The following MKNK2 variants were observed in gnomAD, a reference collection of about 807,000 sequenced individuals.
The protein encoded by MKNK2 is MAP kinase-interacting serine/threonine-protein kinase 2.
MKNK2 carries 54 observed loss-of-function variants against 55.0 expected under a neutral mutation model. The observed-to-expected ratio is 0.98, with a 90% CI of 0.79 to 1.23. The LOEUF (loss-of-function observed/expected upper bound fraction) is 1.23. MKNK2 is among the 50% of genes most tolerant of loss of function. The probability of loss-of-function intolerance (pLI) is 0.00; values close to 1 mark genes in which losing one functional copy is unlikely to be tolerated. For synonymous variants in MKNK2, 323 were observed against 256.0 expected (o/e 1.26, Z -2.50); for missense variants, 685 against 632.1 (o/e 1.08, Z -0.90).
Position 2,039,460 on chromosome 19 carries a change from C to G in MKNK2, c.*153G>C, listed in dbSNP as rs2016825551. On this transcript the variant is annotated 3_prime_UTR_variant, in exon 14 of 14. Coordinates refer to ENST00000250896, the MANE Select transcript of MKNK2 (RefSeq NM_199054.3). Reference sequence around the variant, plus strand: ...GAAAAAAAAAACCCAAAAGCAAAAACCTTCTATAAAACACCCCCCTCAGCT... The same window carrying G: ...GAAAAAAAAAACCCAAAAGCAAAAAGCTTCTATAAAACACCCCCCTCAGCT... The G allele has an allele frequency of 7.2e-7, 1 of 1,398,192 alleles. No individual in the cohort carries two copies. The highest frequency in any genetic ancestry group is 1.5e-5 in the African/African-American group (1 of 68,928). The allele number at this position is 1,398,192 out of a possible 1,614,324, so 86.6% of individuals were successfully genotyped here.
At chr19:2,047,693 TC>T (rs1383346761) in intron 2 of MKNK2, among the ~76,000 whole-genome samples, 1 of 152,002 alleles carries the variant, frequency 6.6e-6, no homozygotes, top group African/African-American at 2.4e-5. Context: ...GGCCTCAGTT[TC>T]CCCCATCTAA....
intron 3 of MKNK2, 42 bp from the exon 4 acceptor site, chr19:2,046,510 TGGCC>T (rs1568239205): frequency 1.3e-6 from 2 of 1,575,574 alleles, no homozygotes; most frequent in South Asian, 1.1e-5. Flanking sequence ...GACATGGCCC[TGGCC>T]GGCCGGCCCC....
rs777556978 is a variant in MKNK2 at position 2,042,669 on chromosome 19, G to A, written c.599-7C>T. 2 of 1,560,146 alleles carry A rather than the reference G, an allele frequency of 1.3e-6. No individual in the cohort carries two copies. The highest frequency in any genetic ancestry group is 8.7e-7 in the Non-Finnish European group (1 of 1,151,298). ...AGGTCCCTGTGGGCGATGCCTGGGG[G>A]AGAAGCCACAGAACCACGACGGGGT... On this transcript the variant is annotated splice_polypyrimidine_tract_variant and splice_region_variant and intron_variant, in intron 8 of 13. Transcript: ENST00000250896.
Position 2,038,591 on chromosome 19 carries a change from G to C in MKNK2, c.*1022C>G, listed in dbSNP as rs969704115. 3.0e-5 allele frequency: 30 copies of C among 985,186 alleles called. No homozygotes were observed. The highest frequency in any genetic ancestry group is 3.0e-5 in the Non-Finnish European group (25 of 829,858). 61.0% of individuals were successfully genotyped at this position (985,186 alleles called of 1,614,324 possible). A position where few individuals can be genotyped will look rare whatever the true frequency, so the allele number is the denominator to read the frequency against. On this transcript the variant is annotated 3_prime_UTR_variant, in exon 14 of 14. Coordinates refer to ENST00000250896, the MANE Select transcript of MKNK2 (RefSeq NM_199054.3). ...AACACTGCCCTGGGGGTGAGGATTC[G>C]GCCAGACCCCGGGGTCTGGGCTCAG...
At chr19:2,042,181 C>T (rs2016901954) in intron 10 of MKNK2, 147 bp from the exon 11 acceptor site, 1 of 806,372 alleles carries the variant, frequency 1.2e-6, no homozygotes, top group South Asian at 2.0e-5. Context: ...AACGCGCCCC[C>T]GCCCAATCAG....
At chr19:2,042,579 C>A in intron 9 of MKNK2, 28 bp downstream of exon 9, 1 of 1,570,614 alleles carries the variant, frequency 6.4e-7, no homozygotes, top group Non-Finnish European at 8.6e-7. Context: ...ACCCCTCCCG[C>A]GGGGCCACCC....
At chr19:2,047,992 T>A (rs966124087) in intron 2 of MKNK2, among the ~76,000 whole-genome samples, 9 of 152,098 alleles carry the variant, frequency 5.9e-5, no homozygotes, top group Admixed American at 5.9e-4. Context: ...ACCCCGCAGC[T>A]ACCAGTTACC....
In MKNK2 at chr19:2,041,290, C is replaced by A. The variant is rs1018609499; in HGVS notation, c.946-86G>T. The A allele has an allele frequency of 1.1e-5, 16 of 1,463,012 alleles. 1 individual carries two copies. The South Asian group carries it at 2.0e-4, about 19-fold the overall frequency. 90.6% of individuals were successfully genotyped at this position (1,463,012 alleles called of 1,614,324 possible). A position where few individuals can be genotyped will look rare whatever the true frequency, so the allele number is the denominator to read the frequency against. On this transcript the variant is annotated intron_variant, in intron 11 of 13. Transcript: ENST00000250896. ...ACACGTGGCTCCAACCGGACCCCAA[C>A]CAGGCCCTAGACCAGGCCCTAGACC...
rs1485935844 is a variant in MKNK2 at position 2,046,202 on chromosome 19, T to C, written c.323A>G (p.Gln108Arg). Reference protein sequence around the residue: ...VQTCINLITSQEYAVKIIEKQ... With the variant: ...VQTCINLITSREYAVKIIEKQ... ...CGGGCCCACCTTGACGGCGTACTCC[T>C]GGCTGGTGATCAGGTTGATGCAGGT... Residue 108 changes from glutamine (Q) to arginine (R), a missense_variant, in exon 5 of 14, where the codon CAG becomes CGG. By Grantham distance (43) the Gln-to-Arg change is conservative. Coordinates refer to ENST00000250896, the MANE Select transcript of MKNK2 (RefSeq NM_199054.3). The C allele has an allele frequency of 1.2e-6, 2 of 1,608,540 alleles. No individual in the cohort carries two copies. Among genetic ancestry groups the C allele is most frequent in the Admixed American group, 3.3e-5 (2 of 59,998 alleles).
At chr19:2,049,353 C>T (rs1328658286) in intron 2 of MKNK2, among the ~76,000 whole-genome samples, 1 of 152,212 alleles carries the variant, frequency 6.6e-6, no homozygotes, top group East Asian at 1.9e-4. Context: ...ATCCAGGGAG[C>T]AGCCGTGCAT....
At chr19:2,048,925 C>T (rs970516341) in intron 2 of MKNK2, among the ~76,000 whole-genome samples, 2 of 152,188 alleles carry the variant, frequency 1.3e-5, no homozygotes, top group Admixed American at 6.5e-5. Context: ...CTGGAGTTCA[C>T]CTGCTGTCTG....
chr19:2,047,561 G>A (rs554152096), intron 2 of MKNK2, among the ~76,000 whole-genome samples: 28 of 152,182 alleles, frequency 1.8e-4, no homozygotes, highest in African/African-American at 5.8e-4. Context: ...GGCGGGTCGC[G>A]GGGATCAAAG....
At chr19:2,041,810 C>T (rs1244628421) in intron 11 of MKNK2, 30 bp downstream of exon 11, 18 of 1,480,910 alleles carry the variant, frequency 1.2e-5, no homozygotes, top group Non-Finnish European at 1.3e-5. Context: ...GGAGGGTGCC[C>T]AGGAGAGGAG....
At chr19:2,045,312 A>G (rs1281123483) in intron 5 of MKNK2, among the ~76,000 whole-genome samples, 1 of 152,152 alleles carries the variant, frequency 6.6e-6, no homozygotes, top group Non-Finnish European at 1.5e-5. Flanking sequence ...GACAGGAAGC[A>G]AGGCTGGGCC....
intron 2 of MKNK2, among the ~76,000 whole-genome samples, chr19:2,049,514 C>T (rs538114056): frequency 9.2e-5 from 14 of 152,150 alleles, no homozygotes; most frequent in Admixed American, 6.5e-4. Flanking sequence ...GCACAGAGGC[C>T]GGCCCACAAT....
Position 2,037,957 on chromosome 19 carries a change from G to T in MKNK2, c.*1656C>A, listed in dbSNP as rs1227441501. ...TTGTTCTTTGATACAAAAAGGCAGA[G>T]AATCCCCCGTTACGAAACATGGAAT... On this transcript the variant is annotated 3_prime_UTR_variant, in exon 14 of 14. Transcript: ENST00000250896. The T allele has an allele frequency of 5.8e-6, 8 of 1,385,792 alleles. No homozygotes were observed. Among genetic ancestry groups the T allele is most frequent in the African/African-American group, 2.9e-5 (2 of 68,772 alleles). The allele number at this position is 1,385,792 out of a possible 1,614,324, so 85.8% of individuals were successfully genotyped here. A position where few individuals can be genotyped will look rare whatever the true frequency, so the allele number is the denominator to read the frequency against.
Position 2,050,820 on chromosome 19 carries a change from C to T in MKNK2, c.32G>A (p.Gly11Asp), listed in dbSNP as rs749124747. The T allele has an allele frequency of 1.3e-6, 2 of 1,537,842 alleles. No individual in the cohort carries two copies. Among genetic ancestry groups the T allele is most frequent in the Non-Finnish European group, 1.8e-6 (2 of 1,141,944 alleles). Residue 11 changes from glycine (G) to aspartate (D), a missense_variant, in exon 2 of 14, where the codon GGT (glycine) becomes GAT (aspartate). By Grantham distance (94) the Gly-to-Asp change is moderately conservative (BLOSUM62 -1). Transcript: ENST00000250896. ...CCTCACCTTGAACGAACGGTGGAAACCCTGAAGTTCGGCTGGTTTCTTCTG... is the reference window on the plus strand; with the variant it reads ...CCTCACCTTGAACGAACGGTGGAAATCCTGAAGTTCGGCTGGTTTCTTCTG... MVQKKPAELQ[G>D]FHRSFKGQNP...
Position 2,046,301 on chromosome 19 carries a change from G to C in MKNK2, c.242-18C>G. On this transcript the variant is annotated intron_variant, in intron 4 of 13. Coordinates refer to ENST00000250896, the MANE Select transcript of MKNK2 (RefSeq NM_199054.3). The stretch of plus-strand genomic sequence containing the variant: ...GTAGACGTCTGCCGGGCAGCGGGGC[G>C]GGCGTGAGAGGGACCCTGGCTTTTC... 6.2e-7 allele frequency: 1 copy of C among 1,603,042 alleles called. No individual in the cohort carries two copies. The highest frequency in any genetic ancestry group is 8.5e-7 in the Non-Finnish European group (1 of 1,179,754).
At position 2,041,201 on chromosome 19, in the gene MKNK2, T is replaced by C. The variant is rs1175931653; in HGVS notation, c.949A>G (p.Met317Val). Residue 317 changes from methionine to valine, a missense_variant, in exon 12 of 14, where the codon ATG becomes GTG. By Grantham distance (21) the Met-to-Val change is conservative. Transcript: ENST00000250896. ...CCCTCCTGGATGCTCTCAAACAGCATGTTCTGGGGACATAGAACACAGGGG... is the reference window on the plus strand; with the variant it reads ...CCCTCCTGGATGCTCTCAAACAGCACGTTCTGGGGACATAGAACACAGGGG... ...RGEACPACQN[M>V]LFESIQEGKY... 1.2e-6 allele frequency: 2 copies of C among 1,612,154 alleles called. No individual in the cohort carries two copies. Among genetic ancestry groups the C allele is most frequent in the Admixed American group, 1.7e-5 (1 of 59,954 alleles).
Sources: gnomAD v4.1 joint callset for allele counts (sites outside exome capture counted in the v4.1 genomes callset) on GRCh38, gnomAD v4.1.1 for gene constraint, MANE v1.5 for transcripts, NCBI Gene and HGNC (gene_info 2026-07-23, HGNC 2026-07-21) for gene names.